The following PRPF4 variants were observed in gnomAD, a reference collection of about 807,000 sequenced individuals.
PRPF4 encodes the protein pre-mRNA splicing tri-snRNP complex factor PRPF4.
In PRPF4, 14 loss-of-function variants were observed where a neutral mutation model predicts 72.2. That is an observed-to-expected ratio of 0.19 (90% CI 0.13 to 0.30). The LOEUF is 0.30. Among genes scored for constraint, PRPF4 ranks in the 10% least tolerant of loss-of-function variants. PRPF4 has a pLI of 1.00. For missense variants in PRPF4, 478 were observed against 653.9 expected (o/e 0.73, Z 2.93); for synonymous variants, 225 against 232.2 (o/e 0.97, Z 0.28).
chr9:113,289,733 ATG>A (rs1418247343), intron 10 of PRPF4, among the ~76,000 whole-genome samples: 21 of 152,274 alleles, frequency 1.4e-4, no homozygotes, highest in African/African-American at 5.1e-4. Flanking sequence ...CTGACCATAT[ATG>A]TGTGGTTATT....
chr9:113,288,728 C>T (rs140355236), intron 10 of PRPF4, among the ~76,000 whole-genome samples: 5 of 152,162 alleles, frequency 3.3e-5, no homozygotes, highest in African/African-American at 7.2e-5. Flanking sequence ...ACAGGTAACG[C>T]GCCCAGCCAT....
At chr9:113,285,271 G>A (rs1356697394) in intron 7 of PRPF4, among the ~76,000 whole-genome samples, 14 of 149,706 alleles carry the variant, frequency 9.4e-5, no homozygotes, top group African/African-American at 2.9e-4. Flanking sequence ...GGAAGGCCAC[G>A]GCAGGAGGAT....
intron 7 of PRPF4, 151 bp from the exon 8 acceptor site, chr9:113,286,081 T>C (rs963831486): frequency 2.3e-6 from 2 of 855,036 alleles, no homozygotes; most frequent in Admixed American, 4.6e-5. Context: ...TTTTCTTCTA[T>C]AACCCTTCTA....
At chr9:113,284,538 C>A in intron 7 of PRPF4, 149 bp downstream of exon 7, 1 of 684,402 alleles carries the variant, frequency 1.5e-6, no homozygotes, top group South Asian at 1.7e-5. Flanking sequence ...AGTGCTCTAC[C>A]TGTTGTATAA....
At chr9:113,288,307 A>G (rs1182462799) in intron 10 of PRPF4, 43 bp downstream of exon 10, 3 of 1,576,330 alleles carry the variant, frequency 1.9e-6, no homozygotes, top group Admixed American at 3.4e-5. Context: ...GGCCTGTAGC[A>G]TCTTCTTAAC....
At chr9:113,279,604 G>A (rs1341892826) in intron 3 of PRPF4, among the ~76,000 whole-genome samples, 1 of 152,068 alleles carries the variant, frequency 6.6e-6, no homozygotes, top group African/African-American at 2.4e-5. Flanking sequence ...GGCCAGGCTG[G>A]TCTTGAACTC....
chr9:113,276,899 C>T (rs191377257), intron 2 of PRPF4, among the ~76,000 whole-genome samples, 174 bp downstream of exon 2: 12 of 152,120 alleles, frequency 7.9e-5, no homozygotes, highest in African/African-American at 1.2e-4. Flanking sequence ...ACTGCAACCT[C>T]CGCCTCCCGG....
rs894719335 is a variant in PRPF4 at position 113,283,371 on chromosome 9, G to C, written c.561-18G>C. The C allele has an allele frequency of 6.2e-7, 1 of 1,614,084 alleles. No homozygotes were observed. Among genetic ancestry groups the C allele is most frequent in the Non-Finnish European group, 8.5e-7 (1 of 1,179,970 alleles). On this transcript the variant is annotated intron_variant, in intron 5 of 13. Coordinates refer to ENST00000374198, the MANE Select transcript of PRPF4 (RefSeq NM_001244926.2). ...TTACAACCCTGTTGCTCCTGGTGATGGTGTTTCTGTGTCGCAGGGCAATGA... is the reference window on the plus strand; with the variant it reads ...TTACAACCCTGTTGCTCCTGGTGATCGTGTTTCTGTGTCGCAGGGCAATGA...
intron 9 of PRPF4, among the ~76,000 whole-genome samples, chr9:113,287,894 CA>C (rs1196243205): frequency 6.6e-6 from 1 of 152,220 alleles, no homozygotes; most frequent in African/African-American, 2.4e-5. Context: ...GATCTTGGAA[CA>C]GGCCTAAATT....
In PRPF4 at chr9:113,283,431, T is replaced by G. The variant is rs746990471; in HGVS notation, c.603T>G (p.Ile201Met). 7 of 1,614,000 alleles carry G rather than the reference T, an allele frequency of 4.3e-6. No homozygotes were observed. The South Asian group carries it at 5.5e-5, about 13-fold the overall frequency. The change falls in exon 6 of 14, where the codon ATT (isoleucine) becomes ATG (methionine). Residue 201 changes from isoleucine to methionine, a missense_variant. Transcript: ENST00000374198. ...RLEEARLHKEIPETTRTSQMQ... is the reference protein window; with the variant it reads ...RLEEARLHKEMPETTRTSQMQ... ...AAGAGGCCCGACTCCATAAGGAGATTCCTGAGACAACAAGGACCTCCCAGA... is the reference window on the plus strand; with the variant it reads ...AAGAGGCCCGACTCCATAAGGAGATGCCTGAGACAACAAGGACCTCCCAGA...
At position 113,286,260 on chromosome 9, in the gene PRPF4, C is replaced by G. The variant is rs748684968; in HGVS notation, c.778C>G (p.Pro260Ala). 3.1e-5 allele frequency: 50 copies of G among 1,613,714 alleles called. No homozygotes were observed. The highest frequency in any genetic ancestry group is 1.2e-4 in the Admixed American group (7 of 60,006). ...WSGLCKLWSV[P>A]DCNLLHTLRG... ...TGGGCTTTGCAAGCTCTGGTCTGTTCCTGATTGCAACCTCCTTCACACTCT... is the reference window on the plus strand; with the variant it reads ...TGGGCTTTGCAAGCTCTGGTCTGTTGCTGATTGCAACCTCCTTCACACTCT... Residue 260 changes from proline to alanine, a missense_variant, in exon 8 of 14, where the codon CCT becomes GCT. By Grantham distance (27) the Pro-to-Ala change is conservative. Coordinates refer to ENST00000374198, the MANE Select transcript of PRPF4 (RefSeq NM_001244926.2).
In PRPF4 at chr9:113,276,349, C is replaced by A. The variant is rs576817421; in HGVS notation, c.28-199C>A. On this transcript the variant is annotated intron_variant, in intron 1 of 13. Transcript: ENST00000374198. Reference sequence around the variant, plus strand: ...CACTAGTTTTATTAATCCCATCAACCAAAGTGAGGGACTGAAACACCCTCA... The same window carrying A: ...CACTAGTTTTATTAATCCCATCAACAAAAGTGAGGGACTGAAACACCCTCA... Among the ~76,000 whole-genome samples the A allele has an allele frequency of 2.0e-5, 3 of 152,274 alleles. No homozygotes were observed. The South Asian group carries it at 6.2e-4, about 32-fold the overall frequency.
In PRPF4 at chr9:113,291,004, G is replaced by C. The variant is rs779671641; in HGVS notation, c.1360G>C (p.Val454Leu). 1.9e-6 allele frequency: 3 copies of C among 1,613,596 alleles called. No individual in the cohort carries two copies. The highest frequency in any genetic ancestry group is 2.5e-6 in the Non-Finnish European group (3 of 1,179,454). ...TGCTCATCAGAACTTAGTGACTGGT[G>C]TCAAGTTTGAGCGTAAGCTTTCCTC... ...IPAHQNLVTG[V>L]KFEPIHGNFL... is the part of the protein sequence containing the mutation. The change falls in exon 13 of 14, where the codon GTC becomes CTC. Residue 454 changes from valine (V) to leucine (L), a missense_variant. Coordinates refer to ENST00000374198, the MANE Select transcript of PRPF4 (RefSeq NM_001244926.2).
At chr9:113,277,453 T>C (rs1832144509) in intron 2 of PRPF4, among the ~76,000 whole-genome samples, 1 of 151,982 alleles carries the variant, frequency 6.6e-6, no homozygotes, top group East Asian at 1.9e-4. Flanking sequence ...TGGCGTAACC[T>C]TGGCTCACTG....
intron 8 of PRPF4, 145 bp from the exon 9 acceptor site, chr9:113,286,560 A>T: frequency 8.1e-7 from 1 of 1,238,048 alleles, no homozygotes; most frequent in Non-Finnish European, 1.1e-6. Flanking sequence ...AATGTAATTT[A>T]AATATTAGCT....
At chr9:113,279,689 C>T (rs191948945) in intron 3 of PRPF4, among the ~76,000 whole-genome samples, 18 of 152,146 alleles carry the variant, frequency 1.2e-4, no homozygotes, top group Non-Finnish European at 2.1e-4. Context: ...GTGCCTGGCC[C>T]GTTTTTCTTT....
In PRPF4 at chr9:113,291,905, A is replaced by G; in HGVS notation, c.*245A>G. On this transcript the variant is annotated 3_prime_UTR_variant, in exon 14 of 14. Coordinates refer to ENST00000374198, the MANE Select transcript of PRPF4 (RefSeq NM_001244926.2). Reference sequence around the variant, plus strand: ...TTACGCCCTGCCACGAACTGTGTAGACATTGTTTTTATTAATCTTTTGTTT... The same window carrying G: ...TTACGCCCTGCCACGAACTGTGTAGGCATTGTTTTTATTAATCTTTTGTTT... 1 of 366,830 alleles carries G rather than the reference A, an allele frequency of 2.7e-6. No homozygotes were observed. Among genetic ancestry groups the G allele is most frequent in the Non-Finnish European group, 5.0e-6 (1 of 201,522 alleles). 22.7% of individuals were successfully genotyped at this position (366,830 alleles called of 1,614,324 possible).
chr9:113,282,386 C>G (rs1380628074), intron 3 of PRPF4, among the ~76,000 whole-genome samples: 1 of 151,874 alleles, frequency 6.6e-6, no homozygotes, highest in East Asian at 1.9e-4. Context: ...GTGGGAGGAT[C>G]GCTTGAGCTC....
rs368757520 is a variant in PRPF4 at position 113,283,405 on chromosome 9, G to A, written c.577G>A (p.Glu193Lys). The A allele has an allele frequency of 3.1e-6, 5 of 1,614,120 alleles. No individual in the cohort carries two copies. The African/African-American group carries it at 4.0e-5, about 13-fold the overall frequency. Residue 193 changes from glutamate (E) to lysine (K), a missense_variant, in exon 6 of 14, where the codon GAA (glutamate) becomes AAA (lysine). Physicochemically the swap from Glu to Lys is moderately conservative, Grantham distance 56. Coordinates refer to ENST00000374198, the MANE Select transcript of PRPF4 (RefSeq NM_001244926.2). ...YSLPRAMKRL[E>K]EARLHKEIPE... ...GTGTCGCAGGGCAATGAAACGCTTG[G>A]AAGAGGCCCGACTCCATAAGGAGAT...
Sources: gnomAD v4.1 joint callset for allele counts (sites outside exome capture counted in the v4.1 genomes callset) on GRCh38, gnomAD v4.1.1 for gene constraint, MANE v1.5 for transcripts, NCBI Gene and HGNC (gene_info 2026-07-23, HGNC 2026-07-21) for gene names.